Variants in SCHIP1 observed in about 807,000 individuals in gnomAD.
The protein encoded by SCHIP1 is schwannomin-interacting protein 1.
A neutral mutation model predicts 29.7 loss-of-function variants in SCHIP1; 8 were observed. The observed-to-expected ratio is 0.27, with a 90% CI of 0.16 to 0.49. The LOEUF is 0.49. SCHIP1 is among the 20% of genes least tolerant of loss of function. SCHIP1 has a pLI of 0.99. For missense variants in SCHIP1, 193 were observed against 294.6 expected, an observed-to-expected ratio of 0.66 and a Z score of 2.52; for synonymous variants, 76 against 94.9, an observed-to-expected ratio of 0.80 and a Z score of 1.16.
At chr3:159,604,496 C>G in the SCHIP1 span, among the ~76,000 whole-genome samples, 1 of 152,144 alleles carries the variant, frequency 6.6e-6, no homozygotes, top group Non-Finnish European at 1.5e-5. Flanking sequence ...AGTGGCTTCT[C>G]TGTGCCAGGC....
the SCHIP1 span, among the ~76,000 whole-genome samples, chr3:159,703,781 G>A: frequency 6.6e-6 from 1 of 152,126 alleles, no homozygotes; most frequent in African/African-American, 2.4e-5. Flanking sequence ...ACTATATTTG[G>A]ACAAAAGTCA....
the SCHIP1 span, among the ~76,000 whole-genome samples, chr3:159,372,741 G>A: frequency 2.6e-5 from 4 of 151,940 alleles, no homozygotes; most frequent in African/African-American, 7.2e-5. Context: ...AATCAAAAGA[G>A]TAATAATATT....
At chr3:159,446,533 A>G in the SCHIP1 span, among the ~76,000 whole-genome samples, 26,930 of 131,590 alleles carry the variant, frequency 0.2, 4,059 homozygotes, top group African/African-American at 0.43. Context: ...CAGCAATACA[A>G]TATTGTTGCA....
the SCHIP1 span, among the ~76,000 whole-genome samples, chr3:159,502,468 CTTCAT>C: frequency 6.8e-6 from 1 of 147,504 alleles, no homozygotes; most frequent in Non-Finnish European, 1.5e-5. Context: ...CCAAAATCAG[CTTCAT>C]TTCTTTTTTT....
the SCHIP1 span, among the ~76,000 whole-genome samples, chr3:159,550,051 T>G: frequency 1.5e-5 from 1 of 68,252 alleles, no homozygotes; most frequent in Non-Finnish European, 3.2e-5. Context: ...TTAATTTCTG[T>G]TTTTCTCTTA....
At chr3:159,392,550 C>T in the SCHIP1 span, among the ~76,000 whole-genome samples, 3 of 150,398 alleles carry the variant, frequency 2.0e-5, no homozygotes, top group Non-Finnish European at 4.4e-5. Context: ...TGAGTGAGAA[C>T]ATGCGGTGTT....
At chr3:159,838,271 G>A (rs1743865407), upstream of SCHIP1, among the ~76,000 whole-genome samples, 1 of 152,206 alleles carries the variant, frequency 6.6e-6, no homozygotes, top group Admixed American at 6.5e-5. Flanking sequence ...CCACAAAACA[G>A]ATAAGTTATT....
chr3:159,309,795 G>A, the SCHIP1 span, among the ~76,000 whole-genome samples: 33 of 152,096 alleles, frequency 2.2e-4, no homozygotes, highest in Admixed American at 8.5e-4. Flanking sequence ...ATTTGGGTGA[G>A]CACTTTGCGG....
the SCHIP1 span, among the ~76,000 whole-genome samples, chr3:159,822,957 G>A: frequency 2.6e-5 from 4 of 152,056 alleles, no homozygotes; most frequent in African/African-American, 4.8e-5. Flanking sequence ...GAGAGCCATA[G>A]GAGAAGGCAG....
chr3:159,393,246 T>C, the SCHIP1 span, among the ~76,000 whole-genome samples: 2 of 152,224 alleles, frequency 1.3e-5, no homozygotes, highest in Admixed American at 6.5e-5. Context: ...GAGAAAATTT[T>C]CTCCCATTTT....
chr3:159,866,128 A>G (rs751519686), intron 1 of SCHIP1, 35 bp from the exon 3 acceptor site: 3 of 1,600,994 alleles, frequency 1.9e-6, no homozygotes, highest in African/African-American at 1.3e-5. Context: ...ATATCTGCCC[A>G]CTTATCAGCA....
At chr3:159,306,951 T>C in the SCHIP1 span, among the ~76,000 whole-genome samples, 12 of 152,282 alleles carry the variant, frequency 7.9e-5, no homozygotes, top group East Asian at 1.5e-3. Context: ...CTTGACAAAA[T>C]AATACTACTC....
the SCHIP1 span, among the ~76,000 whole-genome samples, chr3:159,300,819 G>A: frequency 0.026 from 3,957 of 151,976 alleles, 70 homozygotes; most frequent in Non-Finnish European, 0.038. Context: ...GGGTTAATTC[G>A]CTTACACTTC....
the SCHIP1 span, among the ~76,000 whole-genome samples, chr3:159,811,867 G>A: frequency 1.8e-4 from 27 of 151,890 alleles, no homozygotes; most frequent in Non-Finnish European, 3.2e-4. Flanking sequence ...TATAGATCAC[G>A]TTGAGGGGCA....
At chr3:159,518,673 G>A in the SCHIP1 span, among the ~76,000 whole-genome samples, 3 of 152,062 alleles carry the variant, frequency 2.0e-5, no homozygotes, top group Admixed American at 6.6e-5. Flanking sequence ...AACCTAGAGA[G>A]ATATAATCTC....
At chr3:159,626,109 G>T in the SCHIP1 span, among the ~76,000 whole-genome samples, 4,037 of 115,284 alleles carry the variant, frequency 0.035, 528 homozygotes, top group African/African-American at 0.21. Context: ...TAGATAGATA[G>T]ATAGATAGAT....
chr3:159,432,321 T>A, the SCHIP1 span, among the ~76,000 whole-genome samples: 11 of 103,460 alleles, frequency 1.1e-4, no homozygotes, highest in African/African-American at 3.5e-4. Context: ...TGTGTGTGTG[T>A]GTGTGTGTGT....
the SCHIP1 span, among the ~76,000 whole-genome samples, chr3:159,608,696 C>A: frequency 6.6e-6 from 1 of 152,212 alleles, no homozygotes; most frequent in Non-Finnish European, 1.5e-5. Flanking sequence ...CAGCAAGAGT[C>A]TAACTCTGCT....
chr3:159,574,058 C>T, the SCHIP1 span, among the ~76,000 whole-genome samples: 2 of 152,274 alleles, frequency 1.3e-5, no homozygotes, highest in South Asian at 2.1e-4. Flanking sequence ...GTTTGAACAT[C>T]CTCCTTTGGC....
Sources: gnomAD v4.1 joint callset for allele counts (sites outside exome capture counted in the v4.1 genomes callset) on GRCh38, gnomAD v4.1.1 for gene constraint, MANE v1.5 for transcripts, NCBI Gene and HGNC (gene_info 2026-07-23, HGNC 2026-07-21) for gene names.